Variants in RGS22 observed in about 807,000 individuals in gnomAD.
RGS22 encodes regulator of G-protein signaling 22.
In RGS22, 148 loss-of-function variants were observed where a neutral mutation model predicts 172.9. The observed-to-expected ratio is 0.86, with a 90% confidence interval of 0.75 to 0.98. The LOEUF (loss-of-function observed/expected upper bound fraction) is 0.98, where lower values mean the gene tolerates loss of function less well. RGS22 is among the 50% of genes least tolerant of loss of function. RGS22 has a pLI of 0.00. For missense variants in RGS22, 1,347 were observed against 1,440.8 expected, an observed-to-expected ratio of 0.93 and a Z score of 1.05; for synonymous variants, 458 against 480.2, an observed-to-expected ratio of 0.95 and a Z score of 0.60.
chr8:100,062,534 T>TAA, intron 9 of RGS22, 57 bp downstream of exon 9: 1 of 1,159,126 alleles, frequency 8.6e-7, no homozygotes, highest in Non-Finnish European at 1.3e-6. Context: ...AAAAAAAGTA[T>TAA]AACTCATAAC....
intron 10 of RGS22, among the ~76,000 whole-genome samples, chr8:100,051,691 A>G (rs1265455158): frequency 6.4e-5 from 3 of 46,636 alleles, no homozygotes; most frequent in African/African-American, 4.5e-4. Flanking sequence ...ACATATATAT[A>G]TTTATATATA....
At chr8:99,980,434 C>T (rs996532579) in intron 22 of RGS22, among the ~76,000 whole-genome samples, 1 of 152,058 alleles carries the variant, frequency 6.6e-6, no homozygotes, top group South Asian at 2.1e-4. Flanking sequence ...GAGGAGACAA[C>T]TAGGTAAGTT....
At chr8:100,105,271 G>A (rs1813834390) in intron 2 of RGS22, 103 bp downstream of exon 2, 4 of 923,540 alleles carry the variant, frequency 4.3e-6, no homozygotes, top group Admixed American at 4.0e-5. Flanking sequence ...CCAAAACTCT[G>A]GCAAAAAGGA....
At chr8:100,026,899 G>T (rs996176081) in intron 14 of RGS22, among the ~76,000 whole-genome samples, 2 of 152,166 alleles carry the variant, frequency 1.3e-5, no homozygotes, top group African/African-American at 4.8e-5. Context: ...ACTGTTTTCT[G>T]CCAGTAAAGC....
chr8:100,069,606 CA>C (rs1238237401), intron 6 of RGS22, among the ~76,000 whole-genome samples: 1 of 152,076 alleles, frequency 6.6e-6, no homozygotes, highest in Non-Finnish European at 1.5e-5. Flanking sequence ...ACCTAGAGAA[CA>C]GGAAGGAAAA....
At chr8:100,087,369 G>C (rs935629852) in intron 3 of RGS22, among the ~76,000 whole-genome samples, 1 of 151,970 alleles carries the variant, frequency 6.6e-6, no homozygotes, top group Non-Finnish European at 1.5e-5. Flanking sequence ...ATTCCAAAAC[G>C]AATTGACCTG....
intron 10 of RGS22, among the ~76,000 whole-genome samples, 191 bp downstream of exon 10, chr8:100,052,611 T>C: frequency 6.6e-6 from 1 of 152,180 alleles, no homozygotes; most frequent in East Asian, 1.9e-4. Context: ...TGATTGTATA[T>C]TTTTAAAGGC....
Position 100,030,122 on chromosome 8 carries a change from C to A in RGS22, c.2166+8809G>T, listed in dbSNP as rs191962876. Among the ~76,000 whole-genome samples the A allele has an allele frequency of 5.9e-5, 9 of 152,206 alleles. No homozygotes were observed. In the East Asian group the frequency reaches 1.5e-3, roughly 26 times the overall value. On this transcript the variant is annotated intron_variant, in intron 14 of 27. Transcript: ENST00000360863. ...AAAATTGTTTCAATCAATGGTGGAC[C>A]ACATATACAATGGTGGTCTCATAAT...
intron 24 of RGS22, 108 bp from the exon 25 acceptor site, chr8:99,963,086 T>A: frequency 1.2e-6 from 1 of 845,740 alleles, no homozygotes; most frequent in Non-Finnish European, 1.7e-6. Context: ...TATTAAAGTA[T>A]AACACACATA....
chr8:99,986,924 G>C (rs2131242398), intron 21 of RGS22, among the ~76,000 whole-genome samples: 1 of 152,122 alleles, frequency 6.6e-6, no homozygotes, highest in East Asian at 1.9e-4. Context: ...TTGATGTGTA[G>C]AAATATAGTT....
intron 9 of RGS22, among the ~76,000 whole-genome samples, chr8:100,060,434 A>G (rs1039914754): frequency 6.8e-6 from 1 of 146,268 alleles, no homozygotes; most frequent in African/African-American, 2.5e-5. Context: ...ACACACACAC[A>G]CACACACGCA....
At position 100,098,842 on chromosome 8, in the gene RGS22, T is replaced by TA. The variant is rs377008689; in HGVS notation, c.55-5334_55-5333insT. ...CCTGCCCCTGACCCCCTTTTATTTT[T>TA]TTATTTATTTTATTATTTTATTTAT... On this transcript the variant is annotated intron_variant, in intron 2 of 27. Transcript: ENST00000360863. Among the ~76,000 whole-genome samples the TA allele has an allele frequency of 5.5e-3, 106 of 19,290 alleles. 1 individual carries two copies. The highest frequency in any genetic ancestry group is 0.02 in the African/African-American group (31 of 1,574). The allele number at this position is 19,290 out of a possible 152,430, so 12.7% of individuals were successfully genotyped here. A position where few individuals can be genotyped will look rare whatever the true frequency, so the allele number is the denominator to read the frequency against.
At chr8:100,066,109 C>T (rs1441965972) in intron 7 of RGS22, 58 bp downstream of exon 7, 1 of 1,553,340 alleles carries the variant, frequency 6.4e-7, no homozygotes, top group African/African-American at 1.4e-5. Flanking sequence ...AAAATTAGAA[C>T]AAACAAACAA....
Position 99,994,368 on chromosome 8 carries a change from G to A in RGS22, c.3018+2094C>T, listed in dbSNP as rs199808698. Among the ~76,000 whole-genome samples, 22 of 152,062 alleles carry A rather than the reference G, an allele frequency of 1.4e-4. 1 individual carries two copies. The highest frequency in any genetic ancestry group is 1.2e-3 in the Admixed American group (18 of 15,258). On this transcript the variant is annotated intron_variant, in intron 20 of 27. Transcript: ENST00000360863. ...CATGATTGTATATTTAGAAAACCCCGTCATCTCAGCCCAAAATCTCCTTAA... is the reference window on the plus strand; with the variant it reads ...CATGATTGTATATTTAGAAAACCCCATCATCTCAGCCCAAAATCTCCTTAA...
chr8:100,043,699 T>C (rs1820397581), intron 11 of RGS22, among the ~76,000 whole-genome samples: 1 of 151,684 alleles, frequency 6.6e-6, no homozygotes, highest in African/African-American at 2.4e-5. Context: ...TCGCTTGAAC[T>C]CATGAGGTGG....
chr8:100,019,205 C>A (rs551266756), intron 14 of RGS22, among the ~76,000 whole-genome samples: 4 of 152,332 alleles, frequency 2.6e-5, no homozygotes, highest in African/African-American at 9.6e-5. Flanking sequence ...TACAGCTTGA[C>A]ACTTATCTGC....
Position 100,052,723 on chromosome 8 carries a change from A to T in RGS22, c.1689+79T>A, listed in dbSNP as rs375863404. ...AATCACAACAAAGCTTGTAATGAAA[A>T]TTATCAGTGCACAAACACTCAAGCA... On this transcript the variant is annotated intron_variant, in intron 10 of 27. Coordinates refer to ENST00000360863, the MANE Select transcript of RGS22 (RefSeq NM_015668.5). The T allele has an allele frequency of 2.4e-6, 3 of 1,266,174 alleles. No homozygotes were observed. The East Asian group carries it at 7.1e-5, about 30-fold the overall frequency. 78.4% of individuals were successfully genotyped at this position (1,266,174 alleles called of 1,614,324 possible). A position where few individuals can be genotyped will look rare whatever the true frequency, so the allele number is the denominator to read the frequency against.
At chr8:99,965,278 T>C in intron 24 of RGS22, 57 bp downstream of exon 24, 2 of 1,141,730 alleles carry the variant, frequency 1.8e-6, no homozygotes, top group East Asian at 4.7e-5. Context: ...AGTTACTGCA[T>C]TCCACTATCC....
intron 2 of RGS22, among the ~76,000 whole-genome samples, chr8:100,104,327 T>TGC (rs1298671111): frequency 4.4e-5 from 4 of 90,998 alleles, no homozygotes; most frequent in African/African-American, 1.1e-4. Flanking sequence ...TCAAAATATG[T>TGC]GCGTGTGTGT....
Sources: allele counts gnomAD v4.1 joint callset (sites outside exome capture counted in the v4.1 genomes callset), GRCh38; gene constraint gnomAD v4.1.1; transcripts MANE v1.5; gene names NCBI Gene and HGNC (gene_info 2026-07-23, HGNC 2026-07-21).